MYO1A: variants seen among roughly 807,000 people sequenced by gnomAD.
The protein encoded by MYO1A is myosin IA.
A neutral mutation model predicts 138.5 loss-of-function variants in MYO1A; 127 were observed. That is an observed-to-expected ratio of 0.92 (90% CI 0.79 to 1.06). The LOEUF (loss-of-function observed/expected upper bound fraction) is 1.06. Ranked by LOEUF, MYO1A falls within the 50% of genes least tolerant of loss-of-function variation. MYO1A has a pLI of 0.00. For synonymous variants in MYO1A, 477 were observed against 497.5 expected (o/e 0.96, Z 0.55); for missense variants, 1,211 against 1,288.8 (o/e 0.94, Z 0.92).
rs571393627 is a variant in MYO1A, at chr12:57,028,667, G to A, written c.*88C>T. 3,278 of 1,562,622 alleles carry A rather than the reference G, an allele frequency of 2.1e-3. 6 individuals carry two copies. Among genetic ancestry groups the A allele is most frequent in the Non-Finnish European group, 2.6e-3 (3,020 of 1,144,048 alleles). On this transcript the variant is annotated 3_prime_UTR_variant, in exon 28 of 28. Coordinates refer to ENST00000300119, the MANE Select transcript of MYO1A (RefSeq NM_005379.4). ...CAAGCCATGCGCCACGATCAGAGGG[G>A]TTAGAGATCCTCCCACACAGGAGGG...
rs199795067 is a variant in MYO1A at position 57,037,833 on chromosome 12, C to A, written c.1961+36G>T. On this transcript the variant is annotated intron_variant, in intron 18 of 27. Coordinates refer to ENST00000300119, the MANE Select transcript of MYO1A (RefSeq NM_005379.4). Reference sequence around the variant, plus strand: ...CCCCCAGAGATGTTTCCTGCACTGCCCTTTCCTGATGCCCAGTCTCCCCAT... The same window carrying A: ...CCCCCAGAGATGTTTCCTGCACTGCACTTTCCTGATGCCCAGTCTCCCCAT... 199 of 1,608,414 alleles carry A rather than the reference C, an allele frequency of 1.2e-4. 1 individual carries two copies. In the African/African-American group the frequency reaches 2.5e-3, roughly 20 times the overall value.
At chr12:57,031,241 C>T in intron 22 of MYO1A, 67 bp from the exon 23 acceptor site, 1 of 1,589,926 alleles carries the variant, frequency 6.3e-7, no homozygotes, top group East Asian at 2.2e-5. Context: ...CAAACTGGCA[C>T]CCAGATCCTG....
intron 8 of MYO1A, 101 bp from the exon 9 acceptor site, chr12:57,044,310 T>C: frequency 1.1e-6 from 1 of 906,066 alleles, no homozygotes; most frequent in South Asian, 1.4e-5. Flanking sequence ...TTCATTCACT[T>C]ATCCAAAGGA....
At chr12:57,034,447 T>G (rs1384840140) in intron 22 of MYO1A, among the ~76,000 whole-genome samples, 1 of 140,652 alleles carries the variant, frequency 7.1e-6, no homozygotes, top group Non-Finnish European at 1.5e-5. Context: ...CCAAGGCGAG[T>G]GAATCACTTG....
In MYO1A at chr12:57,047,070, G is replaced by A; in HGVS notation, c.468C>T (p.Ser156=). 6.2e-7 allele frequency: 1 copy of A among 1,614,190 alleles called. No homozygotes were observed. The highest frequency in any genetic ancestry group is 1.7e-5 in the Admixed American group (1 of 60,022). ...GGAGACATTTACTCACAAATCGGGA[G>A]GAATTGTTGTTGCGAATGGTCTTGG... ...GNAKTIRNNN[S]SRFGKYMDIE... is the part of the protein sequence containing the mutation. The change falls in exon 6 of 28, where the codon TCC becomes TCT. Residue 156 remains serine, a synonymous_variant. Coordinates refer to ENST00000300119, the MANE Select transcript of MYO1A (RefSeq NM_005379.4).
Position 57,029,131 on chromosome 12 carries a change from C to A in MYO1A, c.3005+1G>T. The A allele has an allele frequency of 6.2e-7, 1 of 1,614,156 alleles. No homozygotes were observed. The highest frequency in any genetic ancestry group is 1.1e-5 in the South Asian group (1 of 91,062). ...CCCTCACCCCCAGTTCATGGCCTCA[C>A]TTCTCAGTCACGGTGACTGTAAGCT... On this transcript the variant is annotated splice_donor_variant, in intron 27 of 27. Transcript: ENST00000300119. LOFTEE classifies it high-confidence loss of function.
At chr12:57,043,683 C>T (rs555372216) in intron 10 of MYO1A, among the ~76,000 whole-genome samples, 173 bp downstream of exon 10, 36 of 152,176 alleles carry the variant, frequency 2.4e-4, no homozygotes, top group Non-Finnish European at 3.1e-4. Context: ...AAAGCTCATT[C>T]CAATATGCTT....
chr12:57,039,095 T>C, intron 15 of MYO1A, 86 bp from the exon 16 acceptor site: 1 of 1,565,610 alleles, frequency 6.4e-7, no homozygotes, highest in Non-Finnish European at 8.8e-7. Flanking sequence ...TTCTCCACTC[T>C]TATCTTCTGC....
At position 57,038,974 on chromosome 12, in the gene MYO1A, C is replaced by T. The variant is rs1423875521; in HGVS notation, c.1368G>A (p.Glu456=). The T allele has an allele frequency of 1.2e-6, 2 of 1,614,196 alleles. No individual in the cohort carries two copies. Among genetic ancestry groups the T allele is most frequent in the Non-Finnish European group, 1.7e-6 (2 of 1,180,034 alleles). Residue 456 remains glutamate (E), a synonymous_variant, in exon 16 of 28, where the codon GAG becomes GAA. Transcript: ENST00000300119. The part of the protein sequence containing the change: ...QRGILAMLDE[E]CLRPGVVSDS... ...CACTGACCACCCCAGGCCGCAGGCA[C>T]TCCTCATCCAACATGGCCAGGATAC... is the stretch of plus-strand genomic sequence containing the variant.
intron 12 of MYO1A, 136 bp downstream of exon 12, chr12:57,042,936 C>T (rs1430367636): frequency 7.5e-6 from 6 of 798,726 alleles, no homozygotes; most frequent in Non-Finnish European, 1.3e-5. Context: ...CATGACAACA[C>T]ACTGTTAGAA....
At chr12:57,030,462 G>A (rs923352927) in intron 23 of MYO1A, 146 bp from the exon 24 acceptor site, 20 of 666,358 alleles carry the variant, frequency 3.0e-5, no homozygotes, top group South Asian at 7.1e-5. Context: ...GGGAGAGGCC[G>A]GGGCTGGAGG....
rs2030679853 is a variant in MYO1A, at chr12:57,038,420, G to A, written c.1752C>T (p.Asn584=). ...LMKNLYSKSP[N]YIRCIKPNEH... ...GCATGCCAGCATGTCACCTGATGTA[G>A]TTGGGGCTCTTGGAATACAGATTCT... Residue 584 remains asparagine (N), a synonymous_variant, in exon 17 of 28, where the codon AAC becomes AAT. Transcript: ENST00000300119. The A allele has an allele frequency of 1.2e-6, 2 of 1,614,204 alleles. No homozygotes were observed. Among genetic ancestry groups the A allele is most frequent in the Non-Finnish European group, 1.7e-6 (2 of 1,180,026 alleles).
intron 12 of MYO1A, 74 bp from the exon 13 acceptor site, chr12:57,041,571 G>T: frequency 7.6e-7 from 1 of 1,322,460 alleles, no homozygotes; most frequent in South Asian, 1.2e-5. Flanking sequence ...TGGAGCGGAT[G>T]GGGTTGGAGT....
chr12:57,036,423 C>T, intron 21 of MYO1A, 42 bp from the exon 22 acceptor site: 1 of 1,581,736 alleles, frequency 6.3e-7, no homozygotes, highest in Non-Finnish European at 8.7e-7. Flanking sequence ...TGAAGATAGG[C>T]AGATTCTAGA....
At position 57,034,717 on chromosome 12, in the gene MYO1A, C is replaced by T. The variant is rs1421913489; in HGVS notation, c.2349+1590G>A. On this transcript the variant is annotated intron_variant, in intron 22 of 27. Coordinates refer to ENST00000300119, the MANE Select transcript of MYO1A (RefSeq NM_005379.4). ...GGCGCAGTGGCTCACACCTGTAATC[C>T]TAGCACTTTGGGAGGCCGAGATGGG... Among the ~76,000 whole-genome samples the T allele has an allele frequency of 1.3e-5, 2 of 151,876 alleles. 1 individual carries two copies. The highest frequency in any genetic ancestry group is 6.3e-3 in the Middle Eastern group (2 of 316).
chr12:57,031,322 C>T, intron 22 of MYO1A, 148 bp from the exon 23 acceptor site: 2 of 980,392 alleles, frequency 2.0e-6, no homozygotes, highest in Non-Finnish European at 3.1e-6. Flanking sequence ...AAGGGAGTCA[C>T]CTCTTGGATC....
chr12:57,036,373 C>A lies in MYO1A; in HGVS notation c.2283G>T (p.Lys761Asn), dbSNP rs2030545081. The A allele has an allele frequency of 6.2e-7, 1 of 1,613,892 alleles. No homozygotes were observed. The highest frequency in any genetic ancestry group is 1.1e-5 in the South Asian group (1 of 91,060). ...QAFVRGWKAR[K>N]NYRKYFRSEA... ...CTGACCGGAAATATTTGCGATAATT[C>A]TTTCGGGCCTGGCAGAAAAGTACAA... The change falls in exon 22 of 28, where the codon AAG becomes AAT. Residue 761 changes from lysine (K) to asparagine (N), a missense_variant. Coordinates refer to ENST00000300119, the MANE Select transcript of MYO1A (RefSeq NM_005379.4).
intron 14 of MYO1A, among the ~76,000 whole-genome samples, chr12:57,040,681 C>G (rs1565645148): frequency 6.6e-6 from 1 of 152,154 alleles, no homozygotes; most frequent in Non-Finnish European, 1.5e-5. Flanking sequence ...CAGCCATTCA[C>G]ACTTTGAAGG....
intron 8 of MYO1A, 31 bp downstream of exon 8, chr12:57,046,521 A>C (rs1011802925): frequency 6.4e-7 from 1 of 1,571,186 alleles, no homozygotes; most frequent in African/African-American, 1.4e-5. Context: ...TGTGTCACTC[A>C]TGAGGACACT....
Sources: allele counts gnomAD v4.1 joint callset (sites outside exome capture counted in the v4.1 genomes callset), GRCh38; gene constraint gnomAD v4.1.1; transcripts MANE v1.5; gene names NCBI Gene and HGNC (gene_info 2026-07-23, HGNC 2026-07-21).